The following LRRC7 variants were observed in gnomAD, a reference collection of about 807,000 sequenced individuals.
LRRC7 encodes leucine-rich repeat-containing protein 7.
Under a neutral mutation model 175.7 loss-of-function variants are expected in LRRC7, and 23 were observed. The observed-to-expected ratio is 0.13, with a 90% CI of 0.09 to 0.19. The LOEUF is 0.19. Among genes scored for constraint, LRRC7 ranks in the 10% least tolerant of loss-of-function variants. The pLI is 1.00. For synonymous variants in LRRC7, 685 were observed against 680.9 expected (o/e 1.01, Z -0.09); for missense variants, 1,354 against 1,904.7 (o/e 0.71, Z 5.38).
chr1:69,661,520 A>C (rs2100533220), intron 1 of LRRC7, among the ~76,000 whole-genome samples: 1 of 152,310 alleles, frequency 6.6e-6, no homozygotes, highest in African/African-American at 2.4e-5. Context: ...TATTTTAAAA[A>C]ATGCTGAATA....
At chr1:69,803,778 T>C (rs1676796696) in intron 4 of LRRC7, among the ~76,000 whole-genome samples, 1 of 151,264 alleles carries the variant, frequency 6.6e-6, no homozygotes, top group South Asian at 2.1e-4. Flanking sequence ...TTCATCATAC[T>C]GTTTTTTTAA....
At chr1:69,780,848 A>T (rs1253769498) in intron 3 of LRRC7, among the ~76,000 whole-genome samples, 1 of 152,190 alleles carries the variant, frequency 6.6e-6, no homozygotes, top group Non-Finnish European at 1.5e-5. Context: ...GGTGAAATCT[A>T]CATGTGCCTA....
chr1:69,868,701 C>A (rs1422065164), intron 7 of LRRC7, among the ~76,000 whole-genome samples: 1 of 152,006 alleles, frequency 6.6e-6, no homozygotes, highest in East Asian at 1.9e-4. Flanking sequence ...GCTAGGACTG[C>A]CATAACAAAG....
At chr1:69,923,398 C>T (rs1404693552) in intron 7 of LRRC7, among the ~76,000 whole-genome samples, 2 of 152,146 alleles carry the variant, frequency 1.3e-5, no homozygotes, top group Non-Finnish European at 2.9e-5. Flanking sequence ...GCCACACTGA[C>T]TTCCACAATG....
chr1:69,934,297 G>C (rs992333777), intron 8 of LRRC7, among the ~76,000 whole-genome samples: 4 of 151,974 alleles, frequency 2.6e-5, no homozygotes, highest in African/African-American at 9.7e-5. Flanking sequence ...AAATGTGAAG[G>C]CCTAATGAGA....
chr1:69,678,144 G>A (rs995224726), intron 1 of LRRC7, among the ~76,000 whole-genome samples: 1 of 151,982 alleles, frequency 6.6e-6, no homozygotes, highest in Non-Finnish European at 1.5e-5. Context: ...TAGAGAATGT[G>A]CATAAGTTTC....
intron 2 of LRRC7, among the ~76,000 whole-genome samples, chr1:69,718,891 C>T (rs957748939): frequency 2.6e-5 from 4 of 151,752 alleles, no homozygotes; most frequent in African/African-American, 9.7e-5. Flanking sequence ...ATTGGGAGCC[C>T]CAACAGAGCT....
At position 70,021,034 on chromosome 1, in the gene LRRC7, C is replaced by T. The variant is rs1490562987; in HGVS notation, c.1450C>T (p.Pro484Ser). ...DFQSDSDSFNPTLWEEQRQQR... is the reference protein window; with the variant it reads ...DFQSDSDSFNSTLWEEQRQQR... ...CCAGTCAGACAGTGACAGCTTTAACCCTACACTGTGGGAAGAGCAGAGACA... is the reference window on the plus strand; with the variant it reads ...CCAGTCAGACAGTGACAGCTTTAACTCTACACTGTGGGAAGAGCAGAGACA... Residue 484 changes from proline (P) to serine (S), a missense_variant, in exon 16 of 27, where the codon CCT becomes TCT. By Grantham distance (74) the Pro-to-Ser change is moderately conservative. This residue lies in a region of LRRC7 where 201 missense variants were observed against 481.4 expected (regional missense o/e 0.42). Coordinates refer to ENST00000651989, the MANE Select transcript of LRRC7 (RefSeq NM_001370785.2). The T allele has an allele frequency of 1.2e-6, 2 of 1,612,364 alleles. No individual in the cohort carries two copies. Among genetic ancestry groups the T allele is most frequent in the African/African-American group, 1.3e-5 (1 of 74,966 alleles).
intron 4 of LRRC7, among the ~76,000 whole-genome samples, chr1:69,798,061 A>G (rs900731499): frequency 2.6e-5 from 4 of 152,070 alleles, no homozygotes; most frequent in East Asian, 1.9e-4. Context: ...AGCTGGGATT[A>G]CAGGCGCCTG....
At chr1:69,905,411 CA>C (rs1217729923) in intron 7 of LRRC7, among the ~76,000 whole-genome samples, 6 of 152,080 alleles carry the variant, frequency 3.9e-5, no homozygotes, top group Admixed American at 2.6e-4. Flanking sequence ...TCCCCGCTCC[CA>C]CCACCCCACA....
At chr1:70,028,006 T>C (rs1052058008) in intron 17 of LRRC7, among the ~76,000 whole-genome samples, 165 bp from the exon 18 acceptor site, 2 of 152,130 alleles carry the variant, frequency 1.3e-5, no homozygotes, top group African/African-American at 4.8e-5. Context: ...CCCAGAAGGC[T>C]GAATATGAGA....
At chr1:69,970,130 C>T (rs1410453467) in intron 8 of LRRC7, among the ~76,000 whole-genome samples, 3 of 151,994 alleles carry the variant, frequency 2.0e-5, no homozygotes, top group Admixed American at 6.6e-5. Flanking sequence ...ACAGCAAAGG[C>T]GGTGCTAAGA....
intron 1 of LRRC7, among the ~76,000 whole-genome samples, chr1:69,631,086 A>G (rs1303390316): frequency 6.6e-6 from 1 of 152,088 alleles, no homozygotes; most frequent in African/African-American, 2.4e-5. Context: ...ATAATTTTAT[A>G]CATCCATATA....
chr1:69,749,789 C>T (rs1005907783), intron 2 of LRRC7, among the ~76,000 whole-genome samples: 7 of 152,114 alleles, frequency 4.6e-5, no homozygotes, highest in African/African-American at 1.7e-4. Context: ...AGGTAGAAAA[C>T]TGAAAAGTTC....
chr1:69,665,967 G>A (rs1287195801), intron 1 of LRRC7, among the ~76,000 whole-genome samples: 1 of 151,902 alleles, frequency 6.6e-6, no homozygotes, highest in East Asian at 1.9e-4. Context: ...ATCTGTCATA[G>A]GTGGCTTTTG....
At chr1:69,725,382 A>C (rs1332996273) in intron 2 of LRRC7, among the ~76,000 whole-genome samples, 2 of 152,182 alleles carry the variant, frequency 1.3e-5, no homozygotes, top group African/African-American at 4.8e-5. Flanking sequence ...ACTAACTCCA[A>C]ACAACTTCCA....
At chr1:69,846,846 G>T (rs1235792162) in intron 7 of LRRC7, among the ~76,000 whole-genome samples, 1 of 151,888 alleles carries the variant, frequency 6.6e-6, no homozygotes, top group African/African-American at 2.4e-5. Context: ...ATGAGTTCTA[G>T]ATATTTTTCA....
intron 1 of LRRC7, among the ~76,000 whole-genome samples, chr1:69,651,424 T>TGA (rs1171287972): frequency 2.6e-5 from 4 of 152,192 alleles, no homozygotes; most frequent in Non-Finnish European, 4.4e-5. Flanking sequence ...TCAAAGAGTT[T>TGA]TCATTTTGTC....
intron 2 of LRRC7, among the ~76,000 whole-genome samples, chr1:69,684,466 G>C (rs1179972766): frequency 1.3e-5 from 2 of 151,874 alleles, no homozygotes; most frequent in Non-Finnish European, 2.9e-5. Flanking sequence ...AAGAAGGGGA[G>C]GGAAGGCCAA....
Sources: allele counts gnomAD v4.1 joint callset (sites outside exome capture counted in the v4.1 genomes callset), GRCh38; gene constraint gnomAD v4.1.1; regional missense constraint gnomAD v4.1.1; transcripts MANE v1.5; gene names NCBI Gene and HGNC (gene_info 2026-07-23, HGNC 2026-07-21).